PRELID3A: variants seen among roughly 807,000 people sequenced by gnomAD.
PRELID3A encodes PRELI domain containing protein 3A.
PRELID3A carries 27 observed loss-of-function variants against 23.0 expected under a neutral mutation model. The ratio of observed to expected loss-of-function variants is 1.17; its 90% CI spans 0.87 to 1.62. The LOEUF (loss-of-function observed/expected upper bound fraction) is 1.62, where lower values mean the gene tolerates loss of function less well. PRELID3A is among the 40% of genes most tolerant of loss of function. PRELID3A has a pLI of 0.00. For synonymous variants in PRELID3A, 87 were observed against 86.4 expected (o/e 1.01, Z -0.04); for missense variants, 231 against 231.4 (o/e 1.00, Z 0.01).
At position 12,427,295 on chromosome 18, in the gene PRELID3A, C is replaced by T; in HGVS notation, c.437C>T (p.Ala146Val). 1.2e-6 allele frequency: 2 copies of T among 1,612,938 alleles called. No homozygotes were observed. Among genetic ancestry groups the T allele is most frequent in the Non-Finnish European group, 1.7e-6 (2 of 1,178,862 alleles). Residue 146 changes from alanine (A) to valine (V), a missense_variant, in exon 5 of 7, where the codon GCC (alanine) becomes GTC (valine). Transcript: ENST00000440960. ...SLGSYLESLMANTISSNAKKG... is the reference protein window; with the variant it reads ...SLGSYLESLMVNTISSNAKKG... ...GGTAGTTATTTGGAAAGTTTAATGGCCAATACGATATCATCCAATGCAAAG... is the reference window on the plus strand; with the variant it reads ...GGTAGTTATTTGGAAAGTTTAATGGTCAATACGATATCATCCAATGCAAAG...
chr18:12,421,625 C>T lies in PRELID3A; in HGVS notation c.287C>T (p.Thr96Ile). The T allele has an allele frequency of 6.2e-7, 1 of 1,607,308 alleles. No homozygotes were observed. The highest frequency in any genetic ancestry group is 1.1e-5 in the South Asian group (1 of 90,902). The stretch of plus-strand genomic sequence containing the variant: ...GAAAAGAAAATGGAACTTTGTTCTA[C>T]CAATGTAAGCAATGGCCTCAGATGA... Reference protein sequence around the residue: ...PVEKKMELCSTNITLTNLVSV... With the variant: ...PVEKKMELCSINITLTNLVSV... The change falls in exon 3 of 7, where the codon ACC becomes ATC. Residue 96 changes from threonine to isoleucine, a missense_variant. By Grantham distance (89) the Thr-to-Ile change is moderately conservative. Transcript: ENST00000440960.
Position 12,429,453 on chromosome 18 carries a change from C to A in PRELID3A, c.*33+17C>A. On this transcript the variant is annotated intron_variant, in intron 6 of 6. Coordinates refer to ENST00000440960, the MANE Select transcript of PRELID3A (RefSeq NM_001142405.2). ...TAAATGGTGGTGAGTACAGTATTCA[C>A]TCACCTGGGGGGGTACTTGCAGCCT... 2 of 1,536,610 alleles carry A rather than the reference C, an allele frequency of 1.3e-6. No homozygotes were observed. The highest frequency in any genetic ancestry group is 1.8e-6 in the Non-Finnish European group (2 of 1,110,912).
In PRELID3A at chr18:12,425,661, C is replaced by T. The variant is rs1427955233; in HGVS notation, c.292-1380C>T. ...AAAAAAAAAAGTAGAAAATATAGGCCGGGCCCAGTGGCTGACACCTGTAAT... is the reference window on the plus strand; with the variant it reads ...AAAAAAAAAAGTAGAAAATATAGGCTGGGCCCAGTGGCTGACACCTGTAAT... On this transcript the variant is annotated intron_variant, in intron 3 of 6. Transcript: ENST00000440960. Among the ~76,000 whole-genome samples, 9 of 145,434 alleles carry T rather than the reference C, an allele frequency of 6.2e-5. No homozygotes were observed. In the East Asian group the frequency reaches 6.3e-4, roughly 10 times the overall value.
At chr18:12,416,738 C>T (rs562271373) in intron 1 of PRELID3A, among the ~76,000 whole-genome samples, 3 of 151,278 alleles carry the variant, frequency 2.0e-5, no homozygotes, top group African/African-American at 4.9e-5. Context: ...CTCCGCCTCC[C>T]GGGTTCACGC....
At position 12,420,070 on chromosome 18, in the gene PRELID3A, C is replaced by G. The variant is rs925437904; in HGVS notation, c.33-255C>G. 2.8e-5 allele frequency: 37 copies of G among 1,344,542 alleles called. No individual in the cohort carries two copies. The African/African-American group carries it at 5.5e-4, about 20-fold the overall frequency. The allele number at this position is 1,344,542 out of a possible 1,614,324, so 83.3% of individuals were successfully genotyped here. On this transcript the variant is annotated intron_variant, in intron 1 of 6. Coordinates refer to ENST00000440960, the MANE Select transcript of PRELID3A (RefSeq NM_001142405.2). ...GTGACCCTGATGGCACCACTGCATTCCTGCCTGCTGGGCGACAGAGTGAGA... is the reference window on the plus strand; with the variant it reads ...GTGACCCTGATGGCACCACTGCATTGCTGCCTGCTGGGCGACAGAGTGAGA...
chr18:12,418,407 A>G (rs1323697614), intron 1 of PRELID3A, among the ~76,000 whole-genome samples: 1 of 152,252 alleles, frequency 6.6e-6, no homozygotes, highest in East Asian at 1.9e-4. Flanking sequence ...ATCAGCAGTT[A>G]TAAAAAATGG....
intron 3 of PRELID3A, among the ~76,000 whole-genome samples, chr18:12,423,994 G>A (rs1313647723): frequency 6.6e-6 from 1 of 152,186 alleles, no homozygotes; most frequent in Non-Finnish European, 1.5e-5. Flanking sequence ...GGCAGTGGGT[G>A]CATCCCTGTG....
chr18:12,423,941 C>T (rs115721565), intron 3 of PRELID3A, among the ~76,000 whole-genome samples: 3 of 152,314 alleles, frequency 2.0e-5, no homozygotes, highest in Admixed American at 6.5e-5. Flanking sequence ...TCAGTGCTGT[C>T]GGCCAGCCAC....
chr18:12,426,907 C>G, intron 3 of PRELID3A, 134 bp from the exon 4 acceptor site: 1 of 643,414 alleles, frequency 1.6e-6, no homozygotes, highest in Non-Finnish European at 2.8e-6. Flanking sequence ...TTAATGTGGT[C>G]GTATCTCCTA....
At chr18:12,411,006 CA>C (rs996068556) in intron 1 of PRELID3A, 18 of 152,078 alleles carry the variant, frequency 1.2e-4, no homozygotes, top group African/African-American at 4.3e-4. Context: ...TAATTAGGCA[CA>C]AACAGTTTGA....
intron 1 of PRELID3A, among the ~76,000 whole-genome samples, chr18:12,414,941 T>G: frequency 6.6e-6 from 1 of 152,184 alleles, no homozygotes; most frequent in East Asian, 1.9e-4. Flanking sequence ...TTTTCTTTCT[T>G]TTTTTTAGAG....
At chr18:12,424,489 A>C (rs2030293318) in intron 3 of PRELID3A, among the ~76,000 whole-genome samples, 1 of 152,228 alleles carries the variant, frequency 6.6e-6, no homozygotes. Flanking sequence ...ACAACAGCTA[A>C]TCAGAGTTTA....
rs1372230378 is a variant in PRELID3A at position 12,431,988 on chromosome 18, T to C, written c.*872T>C. The C allele has an allele frequency of 2.6e-5, 4 of 152,208 alleles. No individual in the cohort carries two copies. Among genetic ancestry groups the C allele is most frequent in the Non-Finnish European group, 5.9e-5 (4 of 68,042 alleles). The allele number at this position is 152,208 out of a possible 1,614,324, so 9.4% of individuals were successfully genotyped here. On this transcript the variant is annotated 3_prime_UTR_variant, in exon 7 of 7. Transcript: ENST00000440960. ...TGAGGGACAACGACCAAAGGTCTTT[T>C]CCCCACCATCTTTAAATCAAAGTTG...
intron 1 of PRELID3A, among the ~76,000 whole-genome samples, chr18:12,413,676 C>T (rs2029875893): frequency 6.6e-6 from 1 of 152,170 alleles, no homozygotes; most frequent in South Asian, 2.1e-4. Context: ...CTCTGCCTCC[C>T]AGATTCAAGC....
At chr18:12,431,057 TGCG>T (rs2030579395) in intron 6 of PRELID3A, 90 bp from the exon 7 acceptor site, 2 of 148,296 alleles carry the variant, frequency 1.3e-5, no homozygotes, top group African/African-American at 5.0e-5. Flanking sequence ...GATGTGTATG[TGCG>T]GTGTGTGTCA....
At chr18:12,426,365 T>C (rs1156854267) in intron 3 of PRELID3A, among the ~76,000 whole-genome samples, 73 of 149,730 alleles carry the variant, frequency 4.9e-4, no homozygotes, top group Middle Eastern at 3.6e-3. Context: ...CCATCCTGGC[T>C]AACACGGTGA....
chr18:12,411,294 TAAA>T (rs1193956712), intron 1 of PRELID3A, among the ~76,000 whole-genome samples: 1 of 144,314 alleles, frequency 6.9e-6, no homozygotes, highest in African/African-American at 2.7e-5. Flanking sequence ...CTGTCTCTAC[TAAA>T]AAATAAAAAA....
At chr18:12,421,331 C>T in intron 2 of PRELID3A, 2 of 571,768 alleles carry the variant, frequency 3.5e-6, no homozygotes, top group South Asian at 4.5e-5. Context: ...GCTGCACGCT[C>T]CACTCTGTTG....
chr18:12,417,637 A>G (rs1275840718), intron 1 of PRELID3A, among the ~76,000 whole-genome samples: 1 of 152,196 alleles, frequency 6.6e-6, no homozygotes, highest in Non-Finnish European at 1.5e-5. Flanking sequence ...TTAACTGAAA[A>G]GCCATCAGAC....
Sources: allele counts gnomAD v4.1 joint callset (sites outside exome capture counted in the v4.1 genomes callset), GRCh38; gene constraint gnomAD v4.1.1; transcripts MANE v1.5; gene names NCBI Gene and HGNC (gene_info 2026-07-23, HGNC 2026-07-21).